TRIB2: variants seen among roughly 807,000 people sequenced by gnomAD.
TRIB2 encodes the protein tribbles homolog 2.
TRIB2 carries 2 observed loss-of-function variants against 26.8 expected under a neutral mutation model. The observed-to-expected ratio is 0.07, with a 90% confidence interval of 0.03 to 0.24. TRIB2 has a LOEUF of 0.24. TRIB2 is among the 10% of genes least tolerant of loss of function. TRIB2 has a pLI of 1.00. For synonymous variants in TRIB2, 189 were observed against 187.3 expected (o/e 1.01, Z -0.08); for missense variants, 306 against 449.0 (o/e 0.68, Z 2.88).
chr2:12,738,092 G>A (rs1661622647), intron 2 of TRIB2, among the ~76,000 whole-genome samples: 1 of 152,178 alleles, frequency 6.6e-6, no homozygotes, highest in Non-Finnish European at 1.5e-5. Context: ...ATCCAAATAT[G>A]AGGCATTAGA....
At chr2:12,726,186 T>C (rs1406039370) in intron 2 of TRIB2, among the ~76,000 whole-genome samples, 1 of 152,222 alleles carries the variant, frequency 6.6e-6, no homozygotes, top group East Asian at 1.9e-4. Flanking sequence ...CAGTAGCTGA[T>C]TGATAAAGAG....
Position 12,718,671 on chromosome 2 carries a change from G to A in TRIB2, c.270+94G>A. ...CGAGTCTGGGAGAGGGAGATTCGCG[G>A]GATAATTACCGTGGCCTTATTAAAT... On this transcript the variant is annotated intron_variant, in intron 1 of 2. Coordinates refer to ENST00000155926, the MANE Select transcript of TRIB2 (RefSeq NM_021643.4). The surrounding 1 kb of genome is among the most constrained non-coding windows in gnomAD (Gnocchi z 4.0). 6.8e-7 allele frequency: 1 copy of A among 1,481,110 alleles called. No individual in the cohort carries two copies. The highest frequency in any genetic ancestry group is 9.1e-7 in the Non-Finnish European group (1 of 1,099,556). 91.7% of individuals were successfully genotyped at this position (1,481,110 alleles called of 1,614,324 possible). A position where few individuals can be genotyped will look rare whatever the true frequency, so the allele number is the denominator to read the frequency against.
Position 12,718,178 on chromosome 2 carries a change from C to G in TRIB2, c.-130C>G. ...GCTTCTAACTCTTTCTCCACGCAGC[C>G]CCTCTTCTGTCCCCTCCCCTCTCGC... On this transcript the variant is annotated 5_prime_UTR_variant, in exon 1 of 3. Transcript: ENST00000155926. This position sits in a 1 kb window ranked among gnomAD's most constrained non-coding sequence, Gnocchi z 4.0. The G allele has an allele frequency of 8.0e-7, 1 of 1,246,754 alleles. No homozygotes were observed. The highest frequency in any genetic ancestry group is 1.1e-6 in the Non-Finnish European group (1 of 921,988). 77.2% of individuals were successfully genotyped at this position (1,246,754 alleles called of 1,614,324 possible). A position where few individuals can be genotyped will look rare whatever the true frequency, so the allele number is the denominator to read the frequency against.
chr2:12,740,518 C>G lies in TRIB2; in HGVS notation c.756C>G (p.Tyr252Ter). ...TGTACACCATGTTGGTGGGGCGGTA[C>G]CCTTTCCATGACATTGAACCCAGCT... Reference protein sequence around the residue: ...VMLYTMLVGRYPFHDIEPSSL... With the variant: ...VMLYTMLVGR The change falls in exon 3 of 3, where the codon TAC (tyrosine) becomes TAG (stop). Residue 252 changes from tyrosine to a stop codon, truncating the protein, a stop_gained. Transcript: ENST00000155926. LOFTEE classifies it high-confidence loss of function. This position sits in a 1 kb window ranked among gnomAD's most constrained non-coding sequence, Gnocchi z 5.8. 6.2e-7 allele frequency: 1 copy of G among 1,614,160 alleles called. No homozygotes were observed. Among genetic ancestry groups the G allele is most frequent in the Non-Finnish European group, 8.5e-7 (1 of 1,180,038 alleles).
At position 12,723,384 on chromosome 2, in the gene TRIB2, G is replaced by A. The variant is rs752731552; in HGVS notation, c.395G>A (p.Arg132Gln). The A allele has an allele frequency of 1.1e-5, 18 of 1,614,148 alleles. No homozygotes were observed. Among genetic ancestry groups the A allele is most frequent in the Non-Finnish European group, 1.4e-5 (16 of 1,180,060 alleles). The change falls in exon 2 of 3, where the codon CGA (arginine) becomes CAA (glutamine). Residue 132 changes from arginine (R) to glutamine (Q), a missense_variant. Around this residue, in one of 4 missense-constraint regions of TRIB2, gnomAD observed 118 missense variants for 188.8 expected, o/e 0.63. Coordinates refer to ENST00000155926, the MANE Select transcript of TRIB2 (RefSeq NM_021643.4). Reference protein sequence around the residue: ...GETKAYVFFERSYGDMHSFVR... With the variant: ...GETKAYVFFEQSYGDMHSFVR... ...ACCAAAGCCTATGTGTTCTTTGAGC[G>A]AAGCTATGGGGACATGCATTCCTTC...
At position 12,718,170 on chromosome 2, in the gene TRIB2, C is replaced by T. The variant is rs1205586475; in HGVS notation, c.-138C>T. The stretch of plus-strand genomic sequence containing the variant: ...ATTTGGGGGCTTCTAACTCTTTCTC[C>T]ACGCAGCCCCTCTTCTGTCCCCTCC... On this transcript the variant is annotated 5_prime_UTR_variant, in exon 1 of 3. Transcript: ENST00000155926. This position sits in a 1 kb window ranked among gnomAD's most constrained non-coding sequence, Gnocchi z 4.0. 8.4e-7 allele frequency: 1 copy of T among 1,197,502 alleles called. No individual in the cohort carries two copies. Among genetic ancestry groups the T allele is most frequent in the East Asian group, 2.6e-5 (1 of 38,918 alleles). 74.2% of individuals were successfully genotyped at this position (1,197,502 alleles called of 1,614,324 possible).
intron 1 of TRIB2, among the ~76,000 whole-genome samples, chr2:12,719,316 G>C: frequency 6.6e-6 from 1 of 152,028 alleles, no homozygotes. Context: ...AGAGGCTCCC[G>C]TTTGGAGCCC....
Position 12,718,288 on chromosome 2 carries a change from C to T in TRIB2, c.-20C>T, listed in dbSNP as rs762323829. 1.2e-5 allele frequency: 19 copies of T among 1,595,004 alleles called. No homozygotes were observed. Among genetic ancestry groups the T allele is most frequent in the Admixed American group, 8.6e-5 (5 of 58,056 alleles). On this transcript the variant is annotated 5_prime_UTR_variant, in exon 1 of 3. Coordinates refer to ENST00000155926, the MANE Select transcript of TRIB2 (RefSeq NM_021643.4). This position sits in a 1 kb window ranked among gnomAD's most constrained non-coding sequence, Gnocchi z 4.0. ...CTCCAGCGGGTTTTTTTTTGTTTGT[C>T]GTGTGCGATCCTCACACTCATGAAC...
At chr2:12,733,912 C>T (rs983629648) in intron 2 of TRIB2, among the ~76,000 whole-genome samples, 5 of 152,094 alleles carry the variant, frequency 3.3e-5, no homozygotes, top group South Asian at 2.1e-4. Context: ...CTTTCAGTGC[C>T]GACCTGTGCT....
rs754028360 is a variant in TRIB2 at position 12,723,410 on chromosome 2, G to A, written c.421G>A (p.Val141Ile). 1.9e-6 allele frequency: 3 copies of A among 1,614,190 alleles called. No individual in the cohort carries two copies. Among genetic ancestry groups the A allele is most frequent in the Non-Finnish European group, 1.7e-6 (2 of 1,180,032 alleles). ...ERSYGDMHSF[V>I]RTCKKLREEE... ...AAGCTATGGGGACATGCATTCCTTCGTCCGCACCTGCAAGAAGCTGAGAGA... is the reference window on the plus strand; with the variant it reads ...AAGCTATGGGGACATGCATTCCTTCATCCGCACCTGCAAGAAGCTGAGAGA... Residue 141 changes from valine (V) to isoleucine (I), a missense_variant, in exon 2 of 3, where the codon GTC becomes ATC. This residue lies in a region of TRIB2 where 118 missense variants were observed against 188.8 expected (regional missense o/e 0.63). Coordinates refer to ENST00000155926, the MANE Select transcript of TRIB2 (RefSeq NM_021643.4).
At chr2:12,739,140 A>G (rs541076631) in intron 2 of TRIB2, among the ~76,000 whole-genome samples, 1 of 152,314 alleles carries the variant, frequency 6.6e-6, no homozygotes, top group East Asian at 1.9e-4. Context: ...ACAGATGTGC[A>G]CAGACAGAAG....
At chr2:12,735,914 T>C (rs1661557145) in intron 2 of TRIB2, among the ~76,000 whole-genome samples, 1 of 152,202 alleles carries the variant, frequency 6.6e-6, no homozygotes, top group South Asian at 2.1e-4. Flanking sequence ...GCATGTGGGA[T>C]GGTCTTTTCA....
At chr2:12,729,810 C>T (rs570482560) in intron 2 of TRIB2, among the ~76,000 whole-genome samples, 1 of 152,108 alleles carries the variant, frequency 6.6e-6, no homozygotes. Flanking sequence ...AGCAGAGGCA[C>T]AGTGGTCAGA....
At chr2:12,719,611 G>A (rs1227316251) in intron 1 of TRIB2, among the ~76,000 whole-genome samples, 2 of 149,148 alleles carry the variant, frequency 1.3e-5, no homozygotes, top group African/African-American at 5.0e-5. Context: ...AGGGGAGAGT[G>A]GGGGACCCAT....
intron 2 of TRIB2, among the ~76,000 whole-genome samples, chr2:12,730,266 C>T (rs1210825874): frequency 3.3e-5 from 5 of 152,098 alleles, no homozygotes; most frequent in African/African-American, 4.8e-5. Context: ...TTATTTTCAC[C>T]ATTTTACAGA....
rs1405216848 is a variant in TRIB2 at position 12,740,849 on chromosome 2, AGGAGTTCTTCCGGG to A, written c.*59_*72del. 6.6e-7 allele frequency: 1 copy of A among 1,512,000 alleles called. No homozygotes were observed. Among genetic ancestry groups the A allele is most frequent in the East Asian group, 2.3e-5 (1 of 44,228 alleles). 93.7% of individuals were successfully genotyped at this position (1,512,000 alleles called of 1,614,324 possible). On this transcript the variant is annotated 3_prime_UTR_variant, in exon 3 of 3. Coordinates refer to ENST00000155926, the MANE Select transcript of TRIB2 (RefSeq NM_021643.4). The surrounding 1 kb of genome is among the most constrained non-coding windows in gnomAD (Gnocchi z 5.8). ...CCAGGAGTGAGCGAGGGCAGCGGAA[AGGAGTTCTTCCGGG>A]GGACACGAATTGCCTGGCTGAGTAG... is the stretch of plus-strand genomic sequence containing the variant.
Position 12,723,280 on chromosome 2 carries a change from C to T in TRIB2, c.291C>T (p.Tyr97=), listed in dbSNP as rs1661264998. The part of the protein sequence containing the change: ...LVCKVFDISC[Y]QESLAPCFCL... ...CGTAGGTGTTTGATATCAGCTGCTA[C>T]CAGGAATCCCTGGCACCGTGCTTTT... Residue 97 remains tyrosine, a synonymous_variant, in exon 2 of 3, where the codon TAC becomes TAT. Transcript: ENST00000155926. 6.2e-7 allele frequency: 1 copy of T among 1,613,570 alleles called. No homozygotes were observed.
Position 12,741,018 on chromosome 2 carries a change from G to A in TRIB2, c.*224G>A. 1 of 541,542 alleles carries A rather than the reference G, an allele frequency of 1.8e-6. No individual in the cohort carries two copies. Among genetic ancestry groups the A allele is most frequent in the Non-Finnish European group, 3.3e-6 (1 of 305,250 alleles). 33.5% of individuals were successfully genotyped at this position (541,542 alleles called of 1,614,324 possible). ...GTGAGATGGATGGGAGCCCGCTGGA[G>A]CTTGTCTTCCCTAACATAGCCTGGG... On this transcript the variant is annotated 3_prime_UTR_variant, in exon 3 of 3. Transcript: ENST00000155926.
chr2:12,736,428 T>C (rs1254097697), intron 2 of TRIB2, among the ~76,000 whole-genome samples: 1 of 151,908 alleles, frequency 6.6e-6, no homozygotes, highest in Non-Finnish European at 1.5e-5. Context: ...CCTGTAGTCA[T>C]ATCTCCCTCC....
Sources: gnomAD v4.1 joint callset for allele counts (sites outside exome capture counted in the v4.1 genomes callset) on GRCh38, gnomAD v4.1.1 for gene constraint, gnomAD v4.1.1 regional missense constraint, Gnocchi (gnomAD v3.1) non-coding constraint, MANE v1.5 for transcripts, NCBI Gene and HGNC (gene_info 2026-07-23, HGNC 2026-07-21) for gene names.